The following GRID2 variants were observed in gnomAD, a reference collection of about 807,000 sequenced individuals.
GRID2 encodes glutamate receptor ionotropic, delta-2.
Under a neutral mutation model 114.8 loss-of-function variants are expected in GRID2, and 33 were observed. The ratio of observed to expected loss-of-function variants is 0.29; its 90% CI spans 0.22 to 0.38. The LOEUF is 0.38. Among genes scored for constraint, GRID2 ranks in the 10% least tolerant of loss-of-function variants. The pLI is 1.00. For synonymous variants in GRID2, 505 were observed against 449.9 expected, an observed-to-expected ratio of 1.12 and a Z score of -1.55; for missense variants, 1,184 against 1,257.7, an observed-to-expected ratio of 0.94 and a Z score of 0.89.
At chr4:93,759,229 G>A (rs1253900586) in intron 14 of GRID2, among the ~76,000 whole-genome samples, 1 of 152,090 alleles carries the variant, frequency 6.6e-6, no homozygotes, top group Non-Finnish European at 1.5e-5. Context: ...TTAAGCAATT[G>A]CTTCTCCGCG....
chr4:93,019,286 T>A (rs1723054151), intron 2 of GRID2, among the ~76,000 whole-genome samples: 2 of 152,200 alleles, frequency 1.3e-5, no homozygotes, highest in Admixed American at 1.3e-4. Flanking sequence ...CACAATTTTT[T>A]TTATTACTTA....
chr4:92,990,815 A>G (rs1264468935), intron 2 of GRID2, among the ~76,000 whole-genome samples: 1 of 152,164 alleles, frequency 6.6e-6, no homozygotes, highest in Non-Finnish European at 1.5e-5. Context: ...GAAAATATAC[A>G]AACACAATTT....
At chr4:93,344,872 G>A (rs1430296942) in intron 8 of GRID2, among the ~76,000 whole-genome samples, 5 of 151,542 alleles carry the variant, frequency 3.3e-5, no homozygotes, top group African/African-American at 4.8e-5. Context: ...AGATCATGTA[G>A]TATTTGTCTT....
intron 2 of GRID2, among the ~76,000 whole-genome samples, chr4:92,972,269 T>A (rs1346089313): frequency 6.6e-6 from 1 of 151,762 alleles, no homozygotes; most frequent in Admixed American, 6.6e-5. Flanking sequence ...CTCATTATGG[T>A]TTTGATTTGC....
At chr4:93,487,955 T>A (rs1172628810) in intron 11 of GRID2, among the ~76,000 whole-genome samples, 1 of 151,928 alleles carries the variant, frequency 6.6e-6, no homozygotes, top group African/African-American at 2.4e-5. Flanking sequence ...CAAATAACAT[T>A]TTATTTGCAT....
In GRID2 at chr4:93,614,106, G is replaced by C. The variant is rs533865316; in HGVS notation, c.2194-12163G>C. Among the ~76,000 whole-genome samples the C allele has an allele frequency of 3.1e-3, 475 of 152,226 alleles. 4 individuals are homozygous for C. Among genetic ancestry groups the C allele is most frequent in the South Asian group, 0.014 (68 of 4,816 alleles). ...GCGTCCGTCACCCCTTTCTTTGACTGGGAAAGGGAACTCCCTGACCCCTTG... is the reference window on the plus strand; with the variant it reads ...GCGTCCGTCACCCCTTTCTTTGACTCGGAAAGGGAACTCCCTGACCCCTTG... On this transcript the variant is annotated intron_variant, in intron 13 of 15. Coordinates refer to ENST00000282020, the MANE Select transcript of GRID2 (RefSeq NM_001510.4).
At chr4:93,683,744 A>G (rs1478689607) in intron 14 of GRID2, among the ~76,000 whole-genome samples, 2 of 152,094 alleles carry the variant, frequency 1.3e-5, no homozygotes, top group Admixed American at 6.6e-5. Context: ...TGTGTAGGGA[A>G]AATCATTTAT....
chr4:93,206,159 A>G (rs116186861), intron 4 of GRID2, among the ~76,000 whole-genome samples: 1,850 of 152,230 alleles, frequency 0.012, 11 homozygotes, highest in Middle Eastern at 0.02. Context: ...TACTATCTCT[A>G]CACCTCAATA....
intron 2 of GRID2, among the ~76,000 whole-genome samples, chr4:93,005,022 C>T (rs1051716953): frequency 6.6e-6 from 1 of 152,004 alleles, no homozygotes; most frequent in African/African-American, 2.4e-5. Flanking sequence ...CTTTAGGGCA[C>T]TCACTGCTTA....
chr4:93,516,979 G>C (rs565712440), intron 13 of GRID2, among the ~76,000 whole-genome samples: 4 of 151,822 alleles, frequency 2.6e-5, no homozygotes, highest in Non-Finnish European at 4.4e-5. Context: ...TCTCCCACCA[G>C]CCTGGTGTTA....
intron 6 of GRID2, among the ~76,000 whole-genome samples, chr4:93,219,475 A>G (rs1744626586): frequency 6.6e-6 from 1 of 152,144 alleles, no homozygotes; most frequent in African/African-American, 2.4e-5. Flanking sequence ...ATGGAAGAAA[A>G]CAAGAAAACT....
chr4:93,121,019 A>C (rs956534671), intron 4 of GRID2, among the ~76,000 whole-genome samples: 1 of 152,244 alleles, frequency 6.6e-6, no homozygotes. Flanking sequence ...TAAGTGCAGC[A>C]AACCACCATG....
At chr4:93,491,850 A>G (rs969364756) in intron 12 of GRID2, among the ~76,000 whole-genome samples, 2 of 151,908 alleles carry the variant, frequency 1.3e-5, no homozygotes, top group Non-Finnish European at 2.9e-5. Flanking sequence ...ATAGGGTATT[A>G]TTTTCTATTT....
chr4:93,807,662 A>C (rs202091492), exon 2 of GRID2: 1 of 90,434 alleles, frequency 1.1e-5, no homozygotes, highest in Non-Finnish European at 3.0e-5. Context: ...CGCTAAGATA[A>C]GTTTGTTTTC....
At chr4:92,757,094 T>A (rs1402979918) in intron 2 of GRID2, among the ~76,000 whole-genome samples, 4 of 152,168 alleles carry the variant, frequency 2.6e-5, no homozygotes, top group Non-Finnish European at 5.9e-5. Context: ...GTCTTATGTT[T>A]ATGTTTTTAA....
At position 93,515,353 on chromosome 4, in the gene GRID2, T is replaced by C; in HGVS notation, c.2135T>C (p.Ile712Thr). The part of the protein sequence containing the change: ...DSMYSQMWRM[I>T]NRSNGSENNV... ...ATGTATTCCCAAATGTGGCGGATGA[T>C]CAACCGAAGCAATGGATCGGAGAAC... The change falls in exon 13 of 16, where the codon ATC becomes ACC. Residue 712 changes from isoleucine (I) to threonine (T), a missense_variant. Physicochemically the swap from Ile to Thr is moderately conservative, Grantham distance 89 (BLOSUM62 -1). Around this residue, in one of 3 missense-constraint regions of GRID2, gnomAD observed 717 missense variants for 796.9 expected, o/e 0.90. Coordinates refer to ENST00000282020, the MANE Select transcript of GRID2 (RefSeq NM_001510.4). 6.2e-7 allele frequency: 1 copy of C among 1,613,276 alleles called. No individual in the cohort carries two copies. Among genetic ancestry groups the C allele is most frequent in the Non-Finnish European group, 8.5e-7 (1 of 1,179,422 alleles).
intron 14 of GRID2, among the ~76,000 whole-genome samples, chr4:93,629,383 G>A (rs1743041156): frequency 6.6e-6 from 1 of 152,156 alleles, no homozygotes; most frequent in South Asian, 2.1e-4. Flanking sequence ...CAGGAAAGAA[G>A]CAGGACCTGG....
At chr4:92,908,869 C>A (rs1376081644) in intron 2 of GRID2, among the ~76,000 whole-genome samples, 1 of 152,116 alleles carries the variant, frequency 6.6e-6, no homozygotes, top group South Asian at 2.1e-4. Flanking sequence ...TCGTCAGGCA[C>A]CTTTGAGGCT....
chr4:92,639,069 C>T (rs1326764622), intron 2 of GRID2, among the ~76,000 whole-genome samples: 1 of 151,406 alleles, frequency 6.6e-6, no homozygotes, highest in Admixed American at 6.6e-5. Context: ...GTAAACCAGA[C>T]TGTAATGAAA....
Sources: gnomAD v4.1 joint callset for allele counts (sites outside exome capture counted in the v4.1 genomes callset) on GRCh38, gnomAD v4.1.1 for gene constraint, gnomAD v4.1.1 regional missense constraint, MANE v1.5 for transcripts, NCBI Gene and HGNC (gene_info 2026-07-23, HGNC 2026-07-21) for gene names.